KL: variants seen among roughly 807,000 people sequenced by gnomAD.
The protein encoded by KL is klotho.
A neutral mutation model predicts 84.2 loss-of-function variants in KL; 62 were observed. The observed-to-expected ratio is 0.74, with a 90% CI of 0.60 to 0.91. KL has a LOEUF of 0.91. KL is among the 40% of genes least tolerant of loss of function. The probability of loss-of-function intolerance (pLI) is 0.00; values close to 1 mark genes in which losing one functional copy is unlikely to be tolerated. For synonymous variants in KL, 528 were observed against 528.0 expected, an observed-to-expected ratio of 1.00 and a Z score of 0.00; for missense variants, 1,261 against 1,305.7, an observed-to-expected ratio of 0.97 and a Z score of 0.53.
chr13:33,024,266 T>G (rs1472640424), intron 1 of KL, among the ~76,000 whole-genome samples: 1 of 152,236 alleles, frequency 6.6e-6, no homozygotes, highest in Non-Finnish European at 1.5e-5. Flanking sequence ...TCTTGAGAGC[T>G]TACCCTGTGG....
chr13:33,035,780 A>G (rs553678650), intron 1 of KL, among the ~76,000 whole-genome samples: 1 of 152,336 alleles, frequency 6.6e-6, no homozygotes, highest in East Asian at 1.9e-4. Flanking sequence ...ACCTAGCGTC[A>G]ATGACTTGGA....
intron 3 of KL, among the ~76,000 whole-genome samples, chr13:33,057,549 T>C (rs1872009958): frequency 6.6e-6 from 1 of 152,124 alleles, no homozygotes; most frequent in Non-Finnish European, 1.5e-5. Flanking sequence ...CAGAGGTCTC[T>C]CTCTCAGATC....
At chr13:33,034,604 C>CT (rs981847428) in intron 1 of KL, among the ~76,000 whole-genome samples, 1 of 151,184 alleles carries the variant, frequency 6.6e-6, no homozygotes, top group Non-Finnish European at 1.5e-5. Context: ...TTACCTCACT[C>CT]TATTTCTTCA....
chr13:33,031,435 T>C (rs1003382126), intron 1 of KL, among the ~76,000 whole-genome samples: 2 of 147,774 alleles, frequency 1.4e-5, no homozygotes, highest in African/African-American at 5.0e-5. Context: ...CACTAACACA[T>C]TGAAAAAATC....
At position 33,040,229 on chromosome 13, in the gene KL, T is replaced by C. The variant is rs185682461; in HGVS notation, c.820-13538T>C. Among the ~76,000 whole-genome samples the C allele has an allele frequency of 7.9e-4, 120 of 152,308 alleles. 2 individuals carry two copies. Among genetic ancestry groups the C allele is most frequent in the Admixed American group, 6.2e-3 (95 of 15,290 alleles). On this transcript the variant is annotated intron_variant, in intron 1 of 4. Transcript: ENST00000380099. ...TTAAGGAACTGCAGCTTATAAACCA[T>C]AGTGCTGATAGAAATAAGAGAAATA...
chr13:33,063,708 C>T (rs773563687), intron 4 of KL, 141 bp from the exon 5 acceptor site: 145 of 757,968 alleles, frequency 1.9e-4, no homozygotes, highest in East Asian at 1.3e-3. Flanking sequence ...ACCTGGGAGG[C>T]GGAGGTTGCA....
upstream of KL, chr13:33,016,402 G>A (rs1199267740): frequency 2.0e-5 from 12 of 614,916 alleles, no homozygotes; most frequent in Admixed American, 6.5e-5. Context: ...GGCATAAAGG[G>A]GCGCGGCGCG....
intron 4 of KL, among the ~76,000 whole-genome samples, 161 bp downstream of exon 4, chr13:33,061,941 C>T (rs1202317452): frequency 6.6e-6 from 1 of 152,164 alleles, no homozygotes; most frequent in Non-Finnish European, 1.5e-5. Flanking sequence ...AGCATTTCCC[C>T]AAGGATAAAG....
At chr13:33,020,839 G>C (rs1870549702) in intron 1 of KL, among the ~76,000 whole-genome samples, 1 of 152,094 alleles carries the variant, frequency 6.6e-6, no homozygotes, top group African/African-American at 2.4e-5. Flanking sequence ...GTGCCATGAT[G>C]GATGCTCTAC....
Position 33,064,242 on chromosome 13 carries a change from G to C in KL, c.*56G>C. 7.6e-7 allele frequency: 1 copy of C among 1,319,770 alleles called. No individual in the cohort carries two copies. The highest frequency in any genetic ancestry group is 1.1e-6 in the Non-Finnish European group (1 of 931,988). 81.8% of individuals were successfully genotyped at this position (1,319,770 alleles called of 1,614,324 possible). A position where few individuals can be genotyped will look rare whatever the true frequency, so the allele number is the denominator to read the frequency against. ...AAATAATTATGCAGACACATCAGCT[G>C]TTAACCATTTGCACCTCTAAGTGTT... On this transcript the variant is annotated 3_prime_UTR_variant, in exon 5 of 5. Coordinates refer to ENST00000380099, the MANE Select transcript of KL (RefSeq NM_004795.4).
chr13:33,049,676 A>G lies in KL; in HGVS notation c.820-4091A>G, dbSNP rs576957166. Among the ~76,000 whole-genome samples the G allele has an allele frequency of 3.9e-5, 6 of 152,188 alleles. No individual in the cohort carries two copies. In the South Asian group the frequency reaches 6.2e-4, roughly 16 times the overall value. ...ATCTTAGAACTTCAAGTGGGGTTCA[A>G]TGTGCCTGGGACTTGGATTTCAGGC... On this transcript the variant is annotated intron_variant, in intron 1 of 4. Coordinates refer to ENST00000380099, the MANE Select transcript of KL (RefSeq NM_004795.4).
intron 1 of KL, among the ~76,000 whole-genome samples, chr13:33,030,090 T>C (rs1419624741): frequency 6.6e-6 from 1 of 152,120 alleles, no homozygotes; most frequent in African/African-American, 2.4e-5. Context: ...GCTGAACTCA[T>C]CCTTTTACAA....
In KL at chr13:33,036,550, C is replaced by T. The variant is rs116015227; in HGVS notation, c.820-17217C>T. Among the ~76,000 whole-genome samples, 1,050 of 152,256 alleles carry T rather than the reference C, an allele frequency of 6.9e-3. 11 individuals carry two copies. The highest frequency in any genetic ancestry group is 0.024 in the African/African-American group (993 of 41,552). On this transcript the variant is annotated intron_variant, in intron 1 of 4. Transcript: ENST00000380099. ...TTCCTCTCCTAATATAGGACAGTCA[C>T]ATGTCTCTATTCCAGCAAAACAATC...
rs376133578 is a variant in KL at position 33,061,602 on chromosome 13, C to G, written c.2523C>G (p.Ser841=). The change falls in exon 4 of 5, where the codon TCC becomes TCG. Residue 841 remains serine, a synonymous_variant. Coordinates refer to ENST00000380099, the MANE Select transcript of KL (RefSeq NM_004795.4). ...QEMTDITWLN[S]PSQVAVVPWG... ...TGACCGACATCACGTGGCTCAACTC[C>G]CCCAGTCAGGTGGCGGTAGTGCCCT... 6.2e-7 allele frequency: 1 copy of G among 1,614,050 alleles called. No individual in the cohort carries two copies. Among genetic ancestry groups the G allele is most frequent in the Non-Finnish European group, 8.5e-7 (1 of 1,180,046 alleles).
At chr13:33,028,878 T>G (rs945044852) in intron 1 of KL, among the ~76,000 whole-genome samples, 2 of 152,248 alleles carry the variant, frequency 1.3e-5, no homozygotes, top group African/African-American at 4.8e-5. Context: ...ATTGCCTGTG[T>G]AAGAGAGCTA....
rs1311512134 is a variant in KL, at chr13:33,065,473, G to A, written c.*1287G>A. ...TACACTGGAGCTGTTTTATAGATAA[G>A]TCAATATTGTATCAGGCAAGATAAA... is the stretch of plus-strand genomic sequence containing the variant. On this transcript the variant is annotated 3_prime_UTR_variant, in exon 5 of 5. Coordinates refer to ENST00000380099, the MANE Select transcript of KL (RefSeq NM_004795.4). The A allele has an allele frequency of 5.2e-6, 1 of 192,070 alleles. No individual in the cohort carries two copies. Among genetic ancestry groups the A allele is most frequent in the East Asian group, 8.3e-5 (1 of 12,084 alleles). 11.9% of individuals were successfully genotyped at this position (192,070 alleles called of 1,614,324 possible).
intron 1 of KL, among the ~76,000 whole-genome samples, chr13:33,021,976 A>G (rs1870592009): frequency 6.6e-6 from 1 of 152,252 alleles, no homozygotes; most frequent in African/African-American, 2.4e-5. Flanking sequence ...TAGTGCATTT[A>G]GTCAGAAATA....
At chr13:33,062,672 CAAAAAA>C (rs35287139) in intron 4 of KL, among the ~76,000 whole-genome samples, 1 of 68,112 alleles carries the variant, frequency 1.5e-5, no homozygotes, top group Non-Finnish European at 2.6e-5. Context: ...GACTCCATCT[CAAAAAA>C]AAAAAAAAAA....
In KL at chr13:33,061,146, G is replaced by A; in HGVS notation, c.2067G>A (p.Glu689=). ...TCAAGCTTTGGATAACGATGAATGA[G>A]CCGTATACAAGGAATATGACATACA... ...HHVKLWITMN[E]PYTRNMTYSA... The change falls in exon 4 of 5, where the codon GAG becomes GAA. Residue 689 remains glutamate (E), a synonymous_variant. Coordinates refer to ENST00000380099, the MANE Select transcript of KL (RefSeq NM_004795.4). 1 of 1,614,254 alleles carries A rather than the reference G, an allele frequency of 6.2e-7. No homozygotes were observed. Among genetic ancestry groups the A allele is most frequent in the East Asian group, 2.2e-5 (1 of 44,880 alleles).
Sources: gnomAD v4.1 joint callset for allele counts (sites outside exome capture counted in the v4.1 genomes callset) on GRCh38, gnomAD v4.1.1 for gene constraint, MANE v1.5 for transcripts, NCBI Gene and HGNC (gene_info 2026-07-23, HGNC 2026-07-21) for gene names.